Variants in KMT2D observed in about 807,000 individuals in gnomAD.
The protein encoded by KMT2D is lysine methyltransferase 2D, also known as histone-lysine N-methyltransferase 2D.
KMT2D carries 55 observed loss-of-function variants against 512.7 expected under a neutral mutation model. That is an observed-to-expected ratio of 0.11 (90% CI 0.09 to 0.13). The LOEUF (loss-of-function observed/expected upper bound fraction) is 0.13, where lower values mean the gene tolerates loss of function less well. KMT2D is among the 10% of genes least tolerant of loss of function. KMT2D has a pLI of 1.00. For synonymous variants in KMT2D, 2,995 were observed against 2,904.0 expected (o/e 1.03, Z -1.01); for missense variants, 6,061 against 7,127.9 (o/e 0.85, Z 5.39).
Position 49,026,122 on chromosome 12 carries a change from G to GT in KMT2D, c.15784+59dup, listed in dbSNP as rs1942570073. On this transcript the variant is annotated intron_variant, in intron 49 of 54. Coordinates refer to ENST00000301067, the MANE Select transcript of KMT2D (RefSeq NM_003482.4). The surrounding 1 kb of genome is among the most constrained non-coding windows in gnomAD (Gnocchi z 9.6). ...AGGTCCTCTTATAGACATTGTAACA[G>GT]TGACCCTGGGAGAAACTTTTCCCAT... The GT allele has an allele frequency of 8.2e-6, 12 of 1,466,058 alleles. No homozygotes were observed. The East Asian group carries it at 2.7e-4, about 34-fold the overall frequency. 90.8% of individuals were successfully genotyped at this position (1,466,058 alleles called of 1,614,324 possible).
At position 49,046,821 on chromosome 12, in the gene KMT2D, G is replaced by T; in HGVS notation, c.4237-31C>A. On this transcript the variant is annotated intron_variant, in intron 15 of 54. Coordinates refer to ENST00000301067, the MANE Select transcript of KMT2D (RefSeq NM_003482.4). The surrounding 1 kb of genome is among the most constrained non-coding windows in gnomAD (Gnocchi z 4.2). ...GCAGAAGATGGGAACTTCTCAGGGT[G>T]TGAGGTGGAAAAGAGGTAGAACTTC... 1.3e-6 allele frequency: 2 copies of T among 1,583,978 alleles called. No homozygotes were observed. The highest frequency in any genetic ancestry group is 1.8e-5 in the Admixed American group (1 of 55,812).
In KMT2D at chr12:49,021,339, T is replaced by G. The variant is rs1942318595; in HGVS notation, c.*441A>C. On this transcript the variant is annotated 3_prime_UTR_variant, in exon 55 of 55. Transcript: ENST00000301067. ...GCAGGGCCAGGTGTGGGACCCGGCCTTTGGGATTGTCAAGCTTAGTCAAGT... is the reference window on the plus strand; with the variant it reads ...GCAGGGCCAGGTGTGGGACCCGGCCGTTGGGATTGTCAAGCTTAGTCAAGT... 8.0e-6 allele frequency: 2 copies of G among 249,084 alleles called. No individual in the cohort carries two copies. Among genetic ancestry groups the G allele is most frequent in the Non-Finnish European group, 1.6e-5 (2 of 128,178 alleles). The allele number at this position is 249,084 out of a possible 1,614,324, so 15.4% of individuals were successfully genotyped here.
In KMT2D at chr12:49,042,983, A is replaced by T; in HGVS notation, c.5644+93T>A. On this transcript the variant is annotated intron_variant, in intron 26 of 54. Coordinates refer to ENST00000301067, the MANE Select transcript of KMT2D (RefSeq NM_003482.4). This position sits in a 1 kb window ranked among gnomAD's most constrained non-coding sequence, Gnocchi z 4.4. ...GGAACAGTCCAGGACTCCCCACCAG[A>T]GAAGCTGTACAGATCACAGTCCCAA... The T allele has an allele frequency of 6.4e-7, 1 of 1,568,526 alleles. No individual in the cohort carries two copies. The highest frequency in any genetic ancestry group is 8.8e-7 in the Non-Finnish European group (1 of 1,141,310).
At chr12:49,023,934 C>A in intron 51 of KMT2D, 1 of 387,306 alleles carries the variant, frequency 2.6e-6, no homozygotes, top group Non-Finnish European at 5.0e-6. Context: ...GAACAAGGAC[C>A]TGCAGTGAAG....
At position 49,051,805 on chromosome 12, in the gene KMT2D, C is replaced by G. The variant is rs866163207; in HGVS notation, c.1878G>C (p.Leu626=). 5 of 1,596,298 alleles carry G rather than the reference C, an allele frequency of 3.1e-6. No individual in the cohort carries two copies. The highest frequency in any genetic ancestry group is 3.3e-4 in the Middle Eastern group (2 of 5,984). The change falls in exon 11 of 55, where the codon CTG becomes CTC. Residue 626 remains leucine (L), a synonymous_variant. Transcript: ENST00000301067. The stretch of plus-strand genomic sequence containing the variant: ...TAGGCGAGTCCTCAGGTGGTGGGGA[C>G]AGGCGTGATGCCTCAGGTGGTGGGG... The part of the protein sequence containing the change: ...PLSPPPEASR[L]SPPPEDSPMS...
Position 49,022,728 on chromosome 12 carries a change from G to A in KMT2D, c.16200C>T (p.Tyr5400=), listed in dbSNP as rs1427995715. The change falls in exon 52 of 55, where the codon TAC becomes TAT. Residue 5400 remains tyrosine, a synonymous_variant. Coordinates refer to ENST00000301067, the MANE Select transcript of KMT2D (RefSeq NM_003482.4). The surrounding 1 kb of genome is among the most constrained non-coding windows in gnomAD (Gnocchi z 8.6). ...GGCCCTGGATACGGGAGCGAGCCAG[G>A]TACACGTTGTTCTTCCATTCGGTGC... ...RLRTEWKNNV[Y]LARSRIQGLG... 1 of 1,613,994 alleles carries A rather than the reference G, an allele frequency of 6.2e-7. No homozygotes were observed.
At chr12:49,023,335 C>T (rs892025143) in intron 51 of KMT2D, among the ~76,000 whole-genome samples, 1 of 152,206 alleles carries the variant, frequency 6.6e-6, no homozygotes, top group Admixed American at 6.5e-5. Context: ...AAAATGGGGA[C>T]TGTGCCTACC....
Position 49,043,438 on chromosome 12 carries a change from A to C in KMT2D, c.5468-10T>G. 1 of 1,613,862 alleles carries C rather than the reference A, an allele frequency of 6.2e-7. No individual in the cohort carries two copies. Among genetic ancestry groups the C allele is most frequent in the Non-Finnish European group, 8.5e-7 (1 of 1,179,766 alleles). ...TCTGGACCATCATCTCCTATGAGCA[A>C]GAGTCCCCCCTCCAATCAGAGATGT... On this transcript the variant is annotated splice_polypyrimidine_tract_variant and intron_variant, in intron 24 of 54. Transcript: ENST00000301067.
intron 44 of KMT2D, 45 bp from the exon 45 acceptor site, chr12:49,029,281 C>G: frequency 1.2e-6 from 2 of 1,600,534 alleles, no homozygotes; most frequent in Non-Finnish European, 1.7e-6. Context: ...CCTGCAGACT[C>G]CCCTCCCAAA....
At position 49,052,080 on chromosome 12, in the gene KMT2D, G is replaced by A. The variant is rs1938090404; in HGVS notation, c.1603C>T (p.Pro535Ser). 1 of 1,613,298 alleles carries A rather than the reference G, an allele frequency of 6.2e-7. No individual in the cohort carries two copies. Among genetic ancestry groups the A allele is most frequent in the Non-Finnish European group, 8.5e-7 (1 of 1,179,634 alleles). The change falls in exon 11 of 55, where the codon CCT becomes TCT. Residue 535 changes from proline to serine, a missense_variant. Around this residue, in one of 16 missense-constraint regions of KMT2D, gnomAD observed 848 missense variants for 838.5 expected, o/e 1.01. Coordinates refer to ENST00000301067, the MANE Select transcript of KMT2D (RefSeq NM_003482.4). ...GATGCTTCAGGTGGTGGGGATAGAG[G>A]CGTCTCAAGTGCAGGAGATGGGGGT... The part of the protein sequence containing the change: ...ESPPSPALET[P>S]LSPPPEASPL...
At chr12:49,055,115 T>G in intron 2 of KMT2D, 89 bp from the exon 3 acceptor site, 2 of 1,576,368 alleles carry the variant, frequency 1.3e-6, no homozygotes, top group Non-Finnish European at 1.7e-6. Flanking sequence ...ATCCAAAACC[T>G]GAGTGGATCA....
At position 49,039,066 on chromosome 12, in the gene KMT2D, A is replaced by C; in HGVS notation, c.8367-77T>G. ...GAACATGGGCTTAGGGCAGTGAGGA[A>C]GGATAGAATTAATGCAGTGAGGGAG... On this transcript the variant is annotated intron_variant, in intron 34 of 54. Coordinates refer to ENST00000301067, the MANE Select transcript of KMT2D (RefSeq NM_003482.4). This position sits in a 1 kb window ranked among gnomAD's most constrained non-coding sequence, Gnocchi z 5.0. The C allele has an allele frequency of 6.6e-7, 1 of 1,518,528 alleles. No individual in the cohort carries two copies. Among genetic ancestry groups the C allele is most frequent in the Non-Finnish European group, 9.0e-7 (1 of 1,106,486 alleles). The allele number at this position is 1,518,528 out of a possible 1,614,324, so 94.1% of individuals were successfully genotyped here. A position where few individuals can be genotyped will look rare whatever the true frequency, so the allele number is the denominator to read the frequency against.
In KMT2D at chr12:49,042,505, A is replaced by C. The variant is rs1050474679; in HGVS notation, c.5867+56T>G. 2.5e-5 allele frequency: 40 copies of C among 1,578,560 alleles called. No homozygotes were observed. The South Asian group carries it at 4.4e-4, about 17-fold the overall frequency. On this transcript the variant is annotated intron_variant, in intron 28 of 54. Transcript: ENST00000301067. The surrounding 1 kb of genome is among the most constrained non-coding windows in gnomAD (Gnocchi z 4.4). The stretch of plus-strand genomic sequence containing the variant: ...TCCGAGGGAGGCAAAGCATGAACTC[A>C]GATGGAGGGAAAGGACAACGAGGAC...
chr12:49,034,312 G>A lies in KMT2D; in HGVS notation c.10508-13C>T. The A allele has an allele frequency of 6.2e-7, 1 of 1,611,278 alleles. No homozygotes were observed. The highest frequency in any genetic ancestry group is 1.1e-5 in the South Asian group (1 of 91,048). On this transcript the variant is annotated splice_polypyrimidine_tract_variant and intron_variant, in intron 38 of 54. Coordinates refer to ENST00000301067, the MANE Select transcript of KMT2D (RefSeq NM_003482.4). Reference sequence around the variant, plus strand: ...TGGTCAGCTTCATCTGGGAAAAGAAGCTGGGTGTCAGGACCTGCAAAAGGG... The same window carrying A: ...TGGTCAGCTTCATCTGGGAAAAGAAACTGGGTGTCAGGACCTGCAAAAGGG...
intron 51 of KMT2D, among the ~76,000 whole-genome samples, chr12:49,023,623 C>T (rs1452465095): frequency 6.6e-6 from 1 of 152,122 alleles, no homozygotes; most frequent in Non-Finnish European, 1.5e-5. Context: ...ACTGGAACTC[C>T]AATACATAAA....
Position 49,042,468 on chromosome 12 carries a change from G to A in KMT2D, c.5867+93C>T. ...AAGGGAATGGGGAGGAGCAGGGGAA[G>A]TGCTGCAGGAGTCCGAGGGAGGCAA... On this transcript the variant is annotated intron_variant, in intron 28 of 54. Coordinates refer to ENST00000301067, the MANE Select transcript of KMT2D (RefSeq NM_003482.4). This position sits in a 1 kb window ranked among gnomAD's most constrained non-coding sequence, Gnocchi z 4.4. 2 of 1,528,008 alleles carry A rather than the reference G, an allele frequency of 1.3e-6. No homozygotes were observed. Among genetic ancestry groups the A allele is most frequent in the Non-Finnish European group, 1.8e-6 (2 of 1,123,394 alleles). 94.7% of individuals were successfully genotyped at this position (1,528,008 alleles called of 1,614,324 possible).
At position 49,042,510 on chromosome 12, in the gene KMT2D, G is replaced by C. The variant is rs2120555719; in HGVS notation, c.5867+51C>G. ...GGGAGGCAAAGCATGAACTCAGATG[G>C]AGGGAAAGGACAACGAGGACTGCCC... On this transcript the variant is annotated intron_variant, in intron 28 of 54. Transcript: ENST00000301067. The surrounding 1 kb of genome is among the most constrained non-coding windows in gnomAD (Gnocchi z 4.4). 1 of 1,584,826 alleles carries C rather than the reference G, an allele frequency of 6.3e-7. No individual in the cohort carries two copies. The highest frequency in any genetic ancestry group is 1.7e-4 in the Middle Eastern group (1 of 5,944).
In KMT2D at chr12:49,026,028, C is replaced by A. The variant is rs1223819666; in HGVS notation, c.15784+154G>T. ...GACAAGAGAGGCTCAAACACTTTCA[C>A]TGGGAGTTTTCAAGAGACCCCCTGC... On this transcript the variant is annotated intron_variant, in intron 49 of 54. Coordinates refer to ENST00000301067, the MANE Select transcript of KMT2D (RefSeq NM_003482.4). This position sits in a 1 kb window ranked among gnomAD's most constrained non-coding sequence, Gnocchi z 9.6. 1.3e-5 allele frequency among the ~76,000 whole-genome samples: 2 copies of A among 152,194 alleles called. No individual in the cohort carries two copies. The highest frequency in any genetic ancestry group is 4.8e-5 in the African/African-American group (2 of 41,442).
chr12:49,047,899 A>G, intron 15 of KMT2D, 66 bp downstream of exon 15: 1 of 1,148,594 alleles, frequency 8.7e-7, no homozygotes, highest in Non-Finnish European at 1.3e-6. Flanking sequence ...TGGCCAGGAC[A>G]AGGAACTAGG....
Sources: gnomAD v4.1 joint callset for allele counts (sites outside exome capture counted in the v4.1 genomes callset) on GRCh38, gnomAD v4.1.1 for gene constraint, gnomAD v4.1.1 regional missense constraint, Gnocchi (gnomAD v3.1) non-coding constraint, MANE v1.5 for transcripts, NCBI Gene and HGNC (gene_info 2026-07-23, HGNC 2026-07-21) for gene names.